The following PDGFC variants were observed in gnomAD, a reference collection of about 807,000 sequenced individuals.
PDGFC encodes the protein platelet derived growth factor C.
PDGFC carries 12 observed loss-of-function variants against 35.5 expected under a neutral mutation model. That is an observed-to-expected ratio of 0.34 (90% CI 0.22 to 0.55). PDGFC has a LOEUF of 0.55. PDGFC is among the 20% of genes least tolerant of loss of function. The pLI is 0.91. For synonymous variants in PDGFC, 159 were observed against 148.8 expected (o/e 1.07, Z -0.50); for missense variants, 322 against 412.4 (o/e 0.78, Z 1.90).
chr4:156,785,582 T>G (rs1731100453), intron 3 of PDGFC, among the ~76,000 whole-genome samples: 2 of 152,136 alleles, frequency 1.3e-5, no homozygotes, highest in African/African-American at 4.8e-5. Context: ...ATCTACTGGG[T>G]GCACAACAGT....
chr4:156,900,444 T>C (rs545421732), intron 1 of PDGFC, among the ~76,000 whole-genome samples: 52 of 152,012 alleles, frequency 3.4e-4, no homozygotes, highest in Non-Finnish European at 6.8e-4. Flanking sequence ...ACACGTAGAG[T>C]AACAGACATA....
chr4:156,929,869 C>G (rs888327761), intron 1 of PDGFC, among the ~76,000 whole-genome samples: 1 of 152,122 alleles, frequency 6.6e-6, no homozygotes, highest in Non-Finnish European at 1.5e-5. Context: ...TGTTGACAGG[C>G]CAGAACTTGT....
intron 1 of PDGFC, among the ~76,000 whole-genome samples, chr4:156,911,835 T>C (rs1321962339): frequency 6.6e-6 from 1 of 152,282 alleles, no homozygotes; most frequent in East Asian, 1.9e-4. Context: ...ACGTAATTAA[T>C]GCACATGCGT....
chr4:156,852,284 C>A (rs910984657), intron 1 of PDGFC, among the ~76,000 whole-genome samples: 1 of 152,126 alleles, frequency 6.6e-6, no homozygotes, highest in African/African-American at 2.4e-5. Flanking sequence ...AGGTAAGTAT[C>A]ATTGTATTCA....
chr4:156,849,850 G>T (rs1364336862), intron 2 of PDGFC, among the ~76,000 whole-genome samples: 1 of 152,044 alleles, frequency 6.6e-6, no homozygotes, highest in Non-Finnish European at 1.5e-5. Flanking sequence ...TGGCTATGAG[G>T]AAGGTCAAAT....
intron 1 of PDGFC, among the ~76,000 whole-genome samples, chr4:156,939,440 A>T (rs953472065): frequency 2.6e-5 from 4 of 152,036 alleles, no homozygotes; most frequent in Admixed American, 2.0e-4. Flanking sequence ...ATTCTCAGTT[A>T]CTGGATTTTC....
chr4:156,867,240 T>C (rs566419557), intron 1 of PDGFC, among the ~76,000 whole-genome samples: 13 of 152,220 alleles, frequency 8.5e-5, no homozygotes, highest in Non-Finnish European at 1.6e-4. Flanking sequence ...CATATAAATA[T>C]GCAGTCAACA....
At chr4:156,832,253 CTTT>C (rs542396769) in intron 2 of PDGFC, among the ~76,000 whole-genome samples, 1 of 121,130 alleles carries the variant, frequency 8.3e-6, no homozygotes, top group East Asian at 2.3e-4. Flanking sequence ...TTCTTTCTTT[CTTT>C]TTTTTTTTTT....
intron 1 of PDGFC, among the ~76,000 whole-genome samples, chr4:156,899,738 C>A (rs1472599089): frequency 3.9e-5 from 6 of 152,124 alleles, no homozygotes; most frequent in African/African-American, 1.4e-4. Context: ...TTGCTTGAGC[C>A]CAGCAGGTGG....
chr4:156,855,435 G>T (rs559083380), intron 1 of PDGFC, among the ~76,000 whole-genome samples: 1 of 152,264 alleles, frequency 6.6e-6, no homozygotes, highest in South Asian at 2.1e-4. Context: ...GAAAGAAGTA[G>T]GTCTTGAATC....
intron 1 of PDGFC, among the ~76,000 whole-genome samples, chr4:156,872,102 T>C (rs1045129744): frequency 2.6e-5 from 4 of 152,190 alleles, no homozygotes; most frequent in African/African-American, 7.2e-5. Context: ...AAAACTCTTA[T>C]TTACCATGAT....
intron 2 of PDGFC, among the ~76,000 whole-genome samples, chr4:156,815,262 G>A (rs111825757): frequency 0.06 from 8,993 of 150,178 alleles, 375 homozygotes; most frequent in Middle Eastern, 0.12. Context: ...AATTTTTATC[G>A]TCACACACAA....
At chr4:156,763,686 G>A (rs1730445769) in intron 5 of PDGFC, among the ~76,000 whole-genome samples, 1 of 152,184 alleles carries the variant, frequency 6.6e-6, no homozygotes, top group South Asian at 2.1e-4. Flanking sequence ...AGCTGAGTCT[G>A]CTCAATTATG....
intron 1 of PDGFC, among the ~76,000 whole-genome samples, chr4:156,929,334 G>A (rs1307776665): frequency 1.3e-5 from 2 of 151,950 alleles, no homozygotes; most frequent in African/African-American, 2.4e-5. Flanking sequence ...GAACAAAAAT[G>A]CATTCTATAT....
intron 1 of PDGFC, among the ~76,000 whole-genome samples, chr4:156,893,467 T>C (rs924846166): frequency 4.6e-5 from 7 of 152,004 alleles, no homozygotes; most frequent in Admixed American, 4.6e-4. Context: ...GTTGGGACTA[T>C]AGGTGCATGA....
intron 1 of PDGFC, among the ~76,000 whole-genome samples, chr4:156,949,231 T>G (rs1732021076): frequency 6.6e-6 from 1 of 151,976 alleles, no homozygotes; most frequent in Non-Finnish European, 1.5e-5. Flanking sequence ...TAAATATGTG[T>G]ATAATATAGA....
intron 1 of PDGFC, among the ~76,000 whole-genome samples, chr4:156,946,194 G>A (rs961654506): frequency 6.6e-6 from 1 of 151,980 alleles, no homozygotes; most frequent in African/African-American, 2.4e-5. Flanking sequence ...AGAAGATAGA[G>A]AGGAAACAAC....
chr4:156,854,602 T>C (rs1460581135), intron 1 of PDGFC, among the ~76,000 whole-genome samples: 1 of 152,010 alleles, frequency 6.6e-6, no homozygotes, highest in African/African-American at 2.4e-5. Context: ...CTCAAGCAAC[T>C]AGGCCTATAA....
intron 1 of PDGFC, among the ~76,000 whole-genome samples, chr4:156,873,299 C>G (rs896976966): frequency 6.6e-6 from 1 of 152,062 alleles, no homozygotes; most frequent in Non-Finnish European, 1.5e-5. Context: ...TCAGGAAGAA[C>G]AGTTTGAGAA....
Sources: gnomAD v4.1 joint callset for allele counts (sites outside exome capture counted in the v4.1 genomes callset) on GRCh38, gnomAD v4.1.1 for gene constraint, MANE v1.5 for transcripts, NCBI Gene and HGNC (gene_info 2026-07-23, HGNC 2026-07-21) for gene names.